PRKCQ: variants seen among roughly 807,000 people sequenced by gnomAD.
The protein encoded by PRKCQ is protein kinase C theta, also known as protein kinase C theta type.
PRKCQ carries 41 observed loss-of-function variants against 91.2 expected under a neutral mutation model. The observed-to-expected ratio is 0.45, with a 90% confidence interval of 0.35 to 0.58. PRKCQ has a LOEUF of 0.58. Among genes scored for constraint, PRKCQ ranks in the 20% least tolerant of loss-of-function variants. The pLI is 0.00. For missense variants in PRKCQ, 673 were observed against 896.5 expected, an observed-to-expected ratio of 0.75 and a Z score of 3.18; for synonymous variants, 307 against 316.9, an observed-to-expected ratio of 0.97 and a Z score of 0.33.
Position 6,511,242 on chromosome 10 carries a change from A to G in PRKCQ, c.119-48T>C, listed in dbSNP as rs769141584. 7 of 1,570,308 alleles carry G rather than the reference A, an allele frequency of 4.5e-6. 1 individual carries two copies. The South Asian group carries it at 7.8e-5, about 17-fold the overall frequency. The stretch of plus-strand genomic sequence containing the variant: ...TCATTATTCCTTCAGCCAGGCCTGG[A>G]AAATAATTCAGTTCAACTCAACAGT... On this transcript the variant is annotated intron_variant, in intron 2 of 17. Transcript: ENST00000263125.
intron 16 of PRKCQ, among the ~76,000 whole-genome samples, chr10:6,437,118 T>A (rs543527234): frequency 7.7e-4 from 117 of 152,326 alleles, no homozygotes; most frequent in African/African-American, 2.8e-3. Flanking sequence ...CTCACTTTTT[T>A]CCAGTGGGTT....
chr10:6,502,699 G>A (rs1422220500), intron 4 of PRKCQ, among the ~76,000 whole-genome samples: 2 of 152,126 alleles, frequency 1.3e-5, no homozygotes, highest in African/African-American at 4.8e-5. Context: ...TGATGAAATG[G>A]AAAAAATATT....
intron 1 of PRKCQ, among the ~76,000 whole-genome samples, chr10:6,563,816 G>C (rs1038483172): frequency 2.6e-5 from 4 of 152,204 alleles, no homozygotes; most frequent in African/African-American, 9.7e-5. Flanking sequence ...ACAAAGAGAT[G>C]CAGAGCCTGC....
intron 16 of PRKCQ, 66 bp from the exon 17 acceptor site, chr10:6,431,004 G>A (rs1455095968): frequency 3.5e-5 from 54 of 1,537,572 alleles, no homozygotes; most frequent in Non-Finnish European, 4.5e-5. Flanking sequence ...AGGAGGTCGT[G>A]GTGCTTCCTG....
chr10:6,525,667 C>T (rs1839171631), intron 1 of PRKCQ, among the ~76,000 whole-genome samples: 1 of 152,130 alleles, frequency 6.6e-6, no homozygotes, highest in Non-Finnish European at 1.5e-5. Context: ...CTGGATGTCC[C>T]AGACACTCTT....
the PRKCQ span, among the ~76,000 whole-genome samples, chr10:6,414,823 C>T: frequency 6.7e-6 from 1 of 149,710 alleles, no homozygotes; most frequent in African/African-American, 2.5e-5. Flanking sequence ...ACCCCCATAA[C>T]ATCAATGAAC....
intron 12 of PRKCQ, among the ~76,000 whole-genome samples, chr10:6,473,376 G>C (rs1366488382): frequency 1.3e-5 from 2 of 152,188 alleles, no homozygotes; most frequent in Non-Finnish European, 2.9e-5. Context: ...GATTATTTCA[G>C]GTTGACAGCT....
intron 4 of PRKCQ, among the ~76,000 whole-genome samples, chr10:6,505,552 C>T (rs1353574321): frequency 6.8e-6 from 1 of 146,102 alleles, no homozygotes; most frequent in Non-Finnish European, 1.5e-5. Flanking sequence ...TTTCTTCTTT[C>T]TTTCTTTCTC....
chr10:6,496,976 G>T, intron 7 of PRKCQ, 59 bp downstream of exon 7: 1 of 1,478,168 alleles, frequency 6.8e-7, no homozygotes, highest in Non-Finnish European at 9.4e-7. Context: ...TTCGTGGGCT[G>T]TAACATTTAA....
chr10:6,413,958 T>C, the PRKCQ span, among the ~76,000 whole-genome samples: 1 of 152,070 alleles, frequency 6.6e-6, no homozygotes, highest in South Asian at 2.1e-4. Flanking sequence ...AATCTAACAA[T>C]AAATAACAGC....
chr10:6,452,462 A>G (rs901249278), intron 15 of PRKCQ, among the ~76,000 whole-genome samples: 1 of 152,000 alleles, frequency 6.6e-6, no homozygotes, highest in Non-Finnish European at 1.5e-5. Flanking sequence ...GCTCATGGGT[A>G]GGAAGAATCA....
At chr10:6,553,521 ACAAAC>A (rs1564390213) in intron 1 of PRKCQ, among the ~76,000 whole-genome samples, 1 of 146,042 alleles carries the variant, frequency 6.8e-6, no homozygotes, top group African/African-American at 2.8e-5. Context: ...AAAAAAACAA[ACAAAC>A]AAAAGAAGAA....
the PRKCQ span, among the ~76,000 whole-genome samples, chr10:6,403,721 C>A: frequency 6.6e-6 from 1 of 152,080 alleles, no homozygotes. Flanking sequence ...TTTATCTCTC[C>A]TATTGAAATG....
chr10:6,500,094 G>A (rs1837825410), intron 4 of PRKCQ, among the ~76,000 whole-genome samples: 1 of 152,146 alleles, frequency 6.6e-6, no homozygotes, highest in Non-Finnish European at 1.5e-5. Flanking sequence ...CTGGAACTAG[G>A]CTGGAAATAA....
At chr10:6,534,776 A>ATC (rs1554780274) in intron 1 of PRKCQ, among the ~76,000 whole-genome samples, 10 of 26,136 alleles carry the variant, frequency 3.8e-4, no homozygotes, top group Non-Finnish European at 1.2e-3. Context: ...ACATATATCT[A>ATC]TATATATATA....
chr10:6,470,227 C>T (rs531136599), intron 12 of PRKCQ, among the ~76,000 whole-genome samples: 7 of 152,266 alleles, frequency 4.6e-5, no homozygotes, highest in Admixed American at 6.5e-5. Context: ...TCCTGTCCTC[C>T]GATACTCCTA....
downstream of PRKCQ, among the ~76,000 whole-genome samples, chr10:6,426,401 AC>A (rs534688323): frequency 3.3e-3 from 500 of 152,184 alleles, 5 homozygotes; most frequent in African/African-American, 0.011. Flanking sequence ...GCCTTAAAGG[AC>A]CCTCTCCCTC....
chr10:6,570,648 G>T (rs921583503), intron 1 of PRKCQ, among the ~76,000 whole-genome samples: 3 of 151,524 alleles, frequency 2.0e-5, no homozygotes, highest in Admixed American at 2.0e-4. Flanking sequence ...TCTGTCTCCT[G>T]GGTTCAAGCG....
chr10:6,420,468 C>A, the PRKCQ span, among the ~76,000 whole-genome samples: 1,823 of 152,284 alleles, frequency 0.012, 12 homozygotes, highest in Non-Finnish European at 0.02. Context: ...TCCTTGGTTT[C>A]CAGGTTCCTG....
Sources: gnomAD v4.1 joint callset for allele counts (sites outside exome capture counted in the v4.1 genomes callset) on GRCh38, gnomAD v4.1.1 for gene constraint, MANE v1.5 for transcripts, NCBI Gene and HGNC (gene_info 2026-07-23, HGNC 2026-07-21) for gene names.